The following NKAIN2 variants were observed in gnomAD, a reference collection of about 807,000 sequenced individuals.
The protein encoded by NKAIN2 is sodium/potassium transporting ATPase interacting 2.
In NKAIN2, 14 loss-of-function variants were observed where a neutral mutation model predicts 32.6. The ratio of observed to expected loss-of-function variants is 0.43; its 90% CI spans 0.28 to 0.67. The LOEUF (loss-of-function observed/expected upper bound fraction) is 0.67. NKAIN2 is among the 30% of genes least tolerant of loss of function. NKAIN2 has a pLI of 0.17. For synonymous variants in NKAIN2, 80 were observed against 87.2 expected, an observed-to-expected ratio of 0.92 and a Z score of 0.46; for missense variants, 198 against 258.3, an observed-to-expected ratio of 0.77 and a Z score of 1.60.
At chr6:124,410,909 T>G (rs1277936247) in intron 3 of NKAIN2, among the ~76,000 whole-genome samples, 1 of 152,204 alleles carries the variant, frequency 6.6e-6, no homozygotes, top group East Asian at 1.9e-4. Context: ...TAGTTCTTGT[T>G]GAATTGATCC....
chr6:123,958,673 C>T (rs1012851421), intron 1 of NKAIN2, among the ~76,000 whole-genome samples: 4 of 152,220 alleles, frequency 2.6e-5, no homozygotes, highest in Non-Finnish European at 4.4e-5. Context: ...AACACTCAGA[C>T]CGTAATAGCA....
intron 1 of NKAIN2, among the ~76,000 whole-genome samples, chr6:124,097,292 C>G (rs138198068): frequency 6.6e-6 from 1 of 150,998 alleles, no homozygotes; most frequent in Non-Finnish European, 1.5e-5. Context: ...CCCAGCTACT[C>G]GAGAGGCTGA....
chr6:124,589,025 A>G (rs1364542590), intron 3 of NKAIN2, among the ~76,000 whole-genome samples: 1 of 152,210 alleles, frequency 6.6e-6, no homozygotes, highest in East Asian at 1.9e-4. Context: ...AAGGAAGTAC[A>G]TAATCTAGTA....
intron 4 of NKAIN2, among the ~76,000 whole-genome samples, chr6:124,712,113 T>C (rs559846997): frequency 1.6e-3 from 242 of 151,556 alleles, no homozygotes; most frequent in Non-Finnish European, 2.6e-3. Context: ...GGGGGGTGCC[T>C]CCCAGTTAGG....
chr6:123,840,955 A>G (rs778354089), intron 1 of NKAIN2, among the ~76,000 whole-genome samples: 2 of 152,164 alleles, frequency 1.3e-5, no homozygotes, highest in Non-Finnish European at 2.9e-5. Context: ...GGCCATCAAA[A>G]TTATTACTTT....
At chr6:124,367,618 TA>T (rs1475654268) in intron 3 of NKAIN2, among the ~76,000 whole-genome samples, 1 of 152,192 alleles carries the variant, frequency 6.6e-6, no homozygotes, top group Non-Finnish European at 1.5e-5. Context: ...ATTTCATCCC[TA>T]ACTGCTATGT....
At chr6:124,383,680 C>A (rs181723399) in intron 3 of NKAIN2, among the ~76,000 whole-genome samples, 6 of 152,302 alleles carry the variant, frequency 3.9e-5, no homozygotes, top group Non-Finnish European at 8.8e-5. Flanking sequence ...AGTTTTCTCT[C>A]CACTTCTGTA....
intron 3 of NKAIN2, among the ~76,000 whole-genome samples, chr6:124,494,430 A>G (rs988039659): frequency 3.3e-5 from 5 of 152,110 alleles, no homozygotes; most frequent in African/African-American, 1.2e-4. Flanking sequence ...TAGTTTTCCA[A>G]AACATCTTAC....
chr6:123,867,963 G>C (rs945390232), intron 1 of NKAIN2, among the ~76,000 whole-genome samples: 9 of 150,928 alleles, frequency 6.0e-5, no homozygotes, highest in African/African-American at 2.2e-4. Context: ...CTGCCTCCCA[G>C]GTTCATGCCA....
intron 1 of NKAIN2, among the ~76,000 whole-genome samples, chr6:124,138,689 T>A (rs1786969197): frequency 6.8e-6 from 1 of 146,114 alleles, no homozygotes; most frequent in East Asian, 1.9e-4. Context: ...TATAAGTGGA[T>A]ATATAATATA....
intron 4 of NKAIN2, among the ~76,000 whole-genome samples, chr6:124,673,535 T>G (rs1773204945): frequency 6.6e-6 from 1 of 152,042 alleles, no homozygotes; most frequent in Admixed American, 6.6e-5. Flanking sequence ...TGTCAACACT[T>G]GTTATTTTCT....
intron 1 of NKAIN2, among the ~76,000 whole-genome samples, chr6:123,953,377 T>A (rs1003036094): frequency 2.0e-5 from 3 of 152,114 alleles, no homozygotes; most frequent in Admixed American, 6.5e-5. Flanking sequence ...CGCTCAGATT[T>A]CAGTAGTTCA....
At chr6:123,919,723 T>G (rs1030906804) in intron 1 of NKAIN2, among the ~76,000 whole-genome samples, 4 of 152,122 alleles carry the variant, frequency 2.6e-5, no homozygotes, top group African/African-American at 9.6e-5. Context: ...GCATTTGAAA[T>G]TCAAGATTTA....
intron 1 of NKAIN2, among the ~76,000 whole-genome samples, chr6:124,237,271 A>G (rs1242574531): frequency 6.6e-6 from 1 of 152,188 alleles, no homozygotes; most frequent in Non-Finnish European, 1.5e-5. Flanking sequence ...GTGAACTACC[A>G]CAGAACAATT....
intron 1 of NKAIN2, among the ~76,000 whole-genome samples, chr6:124,120,103 C>T (rs980616932): frequency 3.9e-5 from 6 of 152,076 alleles, no homozygotes; most frequent in South Asian, 4.1e-4. Flanking sequence ...CTCTCATTAT[C>T]GTTTAATATA....
chr6:124,315,553 G>A (rs1796914305), intron 2 of NKAIN2, among the ~76,000 whole-genome samples: 1 of 152,108 alleles, frequency 6.6e-6, no homozygotes, highest in Non-Finnish European at 1.5e-5. Flanking sequence ...CTAGTTTCTA[G>A]AGAATCAACA....
intron 1 of NKAIN2, among the ~76,000 whole-genome samples, chr6:123,852,902 A>G (rs1775409371): frequency 6.6e-6 from 1 of 152,208 alleles, no homozygotes; most frequent in South Asian, 2.1e-4. Flanking sequence ...AATCTTTGGA[A>G]TCAAGAGAAT....
intron 1 of NKAIN2, among the ~76,000 whole-genome samples, chr6:123,819,821 G>T (rs1773850543): frequency 6.6e-6 from 1 of 152,156 alleles, no homozygotes; most frequent in South Asian, 2.1e-4. Context: ...AAGCTGGAAA[G>T]CATGACCAGC....
chr6:124,670,645 C>CTGTGTGTG (rs57300688), intron 4 of NKAIN2, among the ~76,000 whole-genome samples: 6,003 of 123,762 alleles, frequency 0.049, 202 homozygotes, highest in African/African-American at 0.096. Context: ...TCTTTGCTTT[C>CTGTGTGTG]TGTGTGTGTG....
Sources: allele counts gnomAD v4.1 joint callset (sites outside exome capture counted in the v4.1 genomes callset), GRCh38; gene constraint gnomAD v4.1.1; transcripts MANE v1.5; gene names NCBI Gene and HGNC (gene_info 2026-07-23, HGNC 2026-07-21).